NDEL1: variants seen among roughly 807,000 people sequenced by gnomAD.
NDEL1 encodes the protein nudE neurodevelopment protein 1 like 1.
Under a neutral mutation model 45.7 loss-of-function variants are expected in NDEL1, and 9 were observed. The observed-to-expected ratio is 0.20, with a 90% CI of 0.12 to 0.34. The LOEUF is 0.34. Ranked by LOEUF, NDEL1 falls within the 10% of genes least tolerant of loss-of-function variation. NDEL1 has a pLI of 1.00. For missense variants in NDEL1, 306 were observed against 406.2 expected (o/e 0.75, Z 2.12); for synonymous variants, 133 against 158.6 (o/e 0.84, Z 1.21).
At chr17:8,459,425 G>A (rs760501267) in intron 7 of NDEL1, among the ~76,000 whole-genome samples, 67 of 152,082 alleles carry the variant, frequency 4.4e-4, no homozygotes, top group Non-Finnish European at 2.6e-4. Flanking sequence ...TGTCATTTGC[G>A]GGTGAATTAT....
rs777837051 is a variant in NDEL1 at position 8,466,981 on chromosome 17, G to C, written c.996G>C (p.Ser332=). The change falls in exon 9 of 9, where the codon TCG becomes TCC. Residue 332 remains serine (S), a synonymous_variant. Coordinates refer to ENST00000334527, the MANE Select transcript of NDEL1 (RefSeq NM_030808.5). ...PAPPPPGLGS[S]RPSSAPGMLP... ...CTCCTCCTCCTGGTCTGGGCTCCTCGCGTCCATCGTCAGCGCCGGGTATGC... is the reference window on the plus strand; with the variant it reads ...CTCCTCCTCCTGGTCTGGGCTCCTCCCGTCCATCGTCAGCGCCGGGTATGC... 1 of 1,614,096 alleles carries C rather than the reference G, an allele frequency of 6.2e-7. No homozygotes were observed. Among genetic ancestry groups the C allele is most frequent in the East Asian group, 2.2e-5 (1 of 44,870 alleles).
chr17:8,432,788 C>T (rs1430823167), upstream of NDEL1, among the ~76,000 whole-genome samples: 1 of 152,016 alleles, frequency 6.6e-6, no homozygotes, highest in Non-Finnish European at 1.5e-5. Context: ...GCAAAATTGC[C>T]CTTGTTTGAT....
At position 8,467,127 on chromosome 17, in the gene NDEL1, C is replaced by A; in HGVS notation, c.*104C>A. The A allele has an allele frequency of 8.8e-7, 1 of 1,137,610 alleles. No individual in the cohort carries two copies. Among genetic ancestry groups the A allele is most frequent in the Non-Finnish European group, 1.3e-6 (1 of 780,472 alleles). The allele number at this position is 1,137,610 out of a possible 1,614,324, so 70.5% of individuals were successfully genotyped here. A position where few individuals can be genotyped will look rare whatever the true frequency, so the allele number is the denominator to read the frequency against. On this transcript the variant is annotated 3_prime_UTR_variant, in exon 9 of 9. Transcript: ENST00000334527. The surrounding 1 kb of genome is among the most constrained non-coding windows in gnomAD (Gnocchi z 6.3). ...CCCAGCCCCGTGCCCCTCCGTCTGC[C>A]TCCGCACGGCTGGCAGAGGGCAGGC...
Position 8,450,849 on chromosome 17 carries a change from C to T in NDEL1, c.596C>T (p.Pro199Leu). The T allele has an allele frequency of 1.2e-6, 2 of 1,612,910 alleles. No individual in the cohort carries two copies. Among genetic ancestry groups the T allele is most frequent in the Non-Finnish European group, 1.7e-6 (2 of 1,179,540 alleles). Residue 199 changes from proline to leucine, a missense_variant, in exon 6 of 9, where the codon CCA becomes CTA. Transcript: ENST00000334527. ...ACTAGAAAGTCGGCTCCTAGCTCTC[C>T]AACTCTAGACTGTGAAAAGATGGAC... is the stretch of plus-strand genomic sequence containing the variant. ...EVTRKSAPSS[P>L]TLDCEKMDSA...
At chr17:8,438,184 C>G (rs1909481673) in intron 1 of NDEL1, among the ~76,000 whole-genome samples, 1 of 152,152 alleles carries the variant, frequency 6.6e-6, no homozygotes, top group South Asian at 2.1e-4. Flanking sequence ...GTCTCGAACT[C>G]CTCACCTCGT....
chr17:8,448,138 G>C (rs942292464), intron 4 of NDEL1, among the ~76,000 whole-genome samples: 1 of 152,198 alleles, frequency 6.6e-6, no homozygotes, highest in African/African-American at 2.4e-5. Flanking sequence ...TTTTGATTTA[G>C]TTCTAGGAAG....
At chr17:8,447,429 C>T (rs1910153411) in intron 4 of NDEL1, among the ~76,000 whole-genome samples, 1 of 152,220 alleles carries the variant, frequency 6.6e-6, no homozygotes, top group Non-Finnish European at 1.5e-5. Context: ...AGGCATGAGC[C>T]ACTGCACCCA....
At chr17:8,468,283 A>C (rs914411629), downstream of NDEL1, 2 of 152,230 alleles carry the variant, frequency 1.3e-5, no homozygotes, top group African/African-American at 4.8e-5. Flanking sequence ...TGGGACAGAG[A>C]TCAGGTGGCC....
intron 8 of NDEL1, 104 bp downstream of exon 8, chr17:8,460,264 C>T: frequency 1.1e-5 from 14 of 1,217,446 alleles, no homozygotes; most frequent in Admixed American, 2.4e-5. Flanking sequence ...CTTGACAAAC[C>T]TTCCCGAAGC....
chr17:8,434,327 C>T (rs1218852213), upstream of NDEL1, among the ~76,000 whole-genome samples: 3 of 152,200 alleles, frequency 2.0e-5, no homozygotes, highest in Non-Finnish European at 4.4e-5. Flanking sequence ...AGCGATTCTC[C>T]TGCCTCAGCC....
At chr17:8,418,820 CCT>C (rs545415614) in intron 1 of NDEL1, among the ~76,000 whole-genome samples, 54 of 118,046 alleles carry the variant, frequency 4.6e-4, no homozygotes, top group African/African-American at 1.1e-3. Context: ...TTTCTTTCTT[CCT>C]CTCTCTCTCT....
At chr17:8,460,305 C>T (rs529178919) in intron 8 of NDEL1, 145 bp downstream of exon 8, 31 of 878,800 alleles carry the variant, frequency 3.5e-5, no homozygotes, top group Middle Eastern at 2.6e-4. Context: ...GGTGACATGA[C>T]GTCTGTTGTT....
chr17:8,467,440 C>A lies in NDEL1; in HGVS notation c.*417C>A. Reference sequence around the variant, plus strand: ...CCCAAATCAGGTCAATGTGTGCCCTCCTGAGCTCCCACCCAGGCATCTCCA... The same window carrying A: ...CCCAAATCAGGTCAATGTGTGCCCTACTGAGCTCCCACCCAGGCATCTCCA... On this transcript the variant is annotated 3_prime_UTR_variant, in exon 9 of 9. Transcript: ENST00000334527. The surrounding 1 kb of genome is among the most constrained non-coding windows in gnomAD (Gnocchi z 6.3). 1 of 394,778 alleles carries A rather than the reference C, an allele frequency of 2.5e-6. No individual in the cohort carries two copies. The allele number at this position is 394,778 out of a possible 1,614,324, so 24.5% of individuals were successfully genotyped here.
chr17:8,442,568 A>C (rs1159386921), intron 1 of NDEL1, among the ~76,000 whole-genome samples: 1 of 151,866 alleles, frequency 6.6e-6, no homozygotes, highest in Non-Finnish European at 1.5e-5. Flanking sequence ...CAGCCTCCCC[A>C]TGTGTTGGGA....
intron 1 of NDEL1, among the ~76,000 whole-genome samples, chr17:8,428,877 G>A (rs922354159): frequency 7.3e-5 from 11 of 150,746 alleles, no homozygotes; most frequent in East Asian, 2.0e-4. Flanking sequence ...GTTTCACCGT[G>A]TTAGCCAAGA....
chr17:8,425,355 G>C (rs1459655122), intron 1 of NDEL1, among the ~76,000 whole-genome samples: 1 of 152,262 alleles, frequency 6.6e-6, no homozygotes, highest in Non-Finnish European at 1.5e-5. Flanking sequence ...GGCCAAGGTG[G>C]AGGATCGCTT....
downstream of NDEL1, among the ~76,000 whole-genome samples, chr17:8,468,757 A>C (rs758774815): frequency 1.3e-5 from 2 of 152,206 alleles, no homozygotes; most frequent in Non-Finnish European, 2.9e-5. Context: ...AAACCCTAAG[A>C]GACTTCGGGA....
chr17:8,437,069 C>T (rs1050870165), intron 1 of NDEL1, among the ~76,000 whole-genome samples: 1 of 152,162 alleles, frequency 6.6e-6, no homozygotes, highest in Non-Finnish European at 1.5e-5. Context: ...AGGATAAAAA[C>T]GGCTGCTCAG....
chr17:8,462,875 T>C (rs1911306245), intron 8 of NDEL1: 1 of 154,604 alleles, frequency 6.5e-6, no homozygotes, highest in South Asian at 2.0e-4. Flanking sequence ...TCAGATGCAG[T>C]GAAGCCTTCT....
Sources: allele counts gnomAD v4.1 joint callset (sites outside exome capture counted in the v4.1 genomes callset), GRCh38; gene constraint gnomAD v4.1.1; non-coding constraint Gnocchi (gnomAD v3.1); transcripts MANE v1.5; gene names NCBI Gene and HGNC (gene_info 2026-07-23, HGNC 2026-07-21).